KCNQ5: variants seen among roughly 807,000 people sequenced by gnomAD.
KCNQ5 encodes the protein potassium voltage-gated channel subfamily Q member 5.
In KCNQ5, 30 loss-of-function variants were observed where a neutral mutation model predicts 98.2. That is an observed-to-expected ratio of 0.31 (90% CI 0.23 to 0.41). KCNQ5 has a LOEUF of 0.41. Ranked by LOEUF, KCNQ5 falls within the 10% of genes least tolerant of loss-of-function variation. The pLI is 1.00. For synonymous variants in KCNQ5, 458 were observed against 449.4 expected (o/e 1.02, Z -0.24); for missense variants, 835 against 1,182.5 (o/e 0.71, Z 4.31).
At chr6:73,082,118 T>C (rs892772855) in intron 5 of KCNQ5, among the ~76,000 whole-genome samples, 5 of 152,222 alleles carry the variant, frequency 3.3e-5, no homozygotes, top group Admixed American at 1.3e-4. Context: ...GCTGAAGAGA[T>C]GGTACAAAAT....
At chr6:72,829,841 A>C (rs1310954684) in intron 1 of KCNQ5, among the ~76,000 whole-genome samples, 6 of 152,212 alleles carry the variant, frequency 3.9e-5, no homozygotes, top group African/African-American at 1.4e-4. Context: ...GGGAAAGTGG[A>C]ACTAAAGACT....
intron 1 of KCNQ5, among the ~76,000 whole-genome samples, chr6:72,629,965 ATG>A (rs143966842): frequency 0.018 from 2,808 of 152,244 alleles, 70 homozygotes; most frequent in African/African-American, 0.062. Context: ...AGCTTCCCAA[ATG>A]TTATTAAAGT....
chr6:73,143,418 G>C (rs868034688), intron 10 of KCNQ5: 2 of 152,166 alleles, frequency 1.3e-5, no homozygotes, highest in East Asian at 3.9e-4. Context: ...TGAGTTTTCT[G>C]TCCTTACCCT....
rs534161361 is a variant in KCNQ5 at position 72,987,529 on chromosome 6, C to T, written c.399-16379C>T. The T allele has an allele frequency of 7.0e-5, 46 of 656,926 alleles. No homozygotes were observed. In the African/African-American group the frequency reaches 7.2e-4, roughly 10 times the overall value. The allele number at this position is 656,926 out of a possible 1,614,324, so 40.7% of individuals were successfully genotyped here. On this transcript the variant is annotated intron_variant, in intron 1 of 13. Transcript: ENST00000370398. ...CTGTCCCCTTCGTTCAGCCGCCACC[C>T]CCTCCAAGCCCCGCAGCACGATTGC...
chr6:72,985,190 C>T (rs1768706481), intron 1 of KCNQ5, among the ~76,000 whole-genome samples: 2 of 151,996 alleles, frequency 1.3e-5, no homozygotes, highest in Non-Finnish European at 2.9e-5. Flanking sequence ...TGGGCGACAG[C>T]GCAATATGTT....
chr6:72,802,936 G>A (rs371048219), intron 1 of KCNQ5, among the ~76,000 whole-genome samples: 6 of 152,066 alleles, frequency 3.9e-5, no homozygotes, highest in African/African-American at 1.4e-4. Context: ...TTGTATTGCC[G>A]TGACTGCCCC....
chr6:72,907,316 A>C (rs1442575700), intron 1 of KCNQ5, among the ~76,000 whole-genome samples: 1 of 152,178 alleles, frequency 6.6e-6, no homozygotes, highest in Non-Finnish European at 1.5e-5. Flanking sequence ...CTAAGGTAAA[A>C]ATTCAAATAA....
intron 1 of KCNQ5, among the ~76,000 whole-genome samples, chr6:72,872,144 A>G (rs557705752): frequency 5.3e-5 from 8 of 152,318 alleles, no homozygotes; most frequent in African/African-American, 1.7e-4. Context: ...TTATCCAAAC[A>G]TGTTCACATG....
At chr6:73,092,676 T>C (rs552144721) in intron 5 of KCNQ5, among the ~76,000 whole-genome samples, 20 of 152,174 alleles carry the variant, frequency 1.3e-4, no homozygotes, top group Admixed American at 3.9e-4. Flanking sequence ...GATCATGTGA[T>C]TTTGGTTTTT....
At chr6:72,821,393 C>T (rs1775744928) in intron 1 of KCNQ5, among the ~76,000 whole-genome samples, 1 of 152,122 alleles carries the variant, frequency 6.6e-6, no homozygotes, top group Non-Finnish European at 1.5e-5. Context: ...TTACCTTTTT[C>T]CTTGAGCTCA....
intron 1 of KCNQ5, among the ~76,000 whole-genome samples, chr6:72,864,512 G>A (rs767260371): frequency 1.3e-5 from 2 of 152,010 alleles, no homozygotes; most frequent in Non-Finnish European, 2.9e-5. Context: ...CCCCCACTGT[G>A]GAATTAGCCT....
chr6:72,623,391 A>ACTGTGTGT (rs71540353), intron 1 of KCNQ5, among the ~76,000 whole-genome samples: 2 of 143,042 alleles, frequency 1.4e-5, no homozygotes, highest in Non-Finnish European at 3.0e-5. Context: ...GGAGTCAAAG[A>ACTGTGTGT]GTGTGTGTGT....
intron 2 of KCNQ5, among the ~76,000 whole-genome samples, chr6:73,033,431 A>G (rs1447467690): frequency 5.3e-5 from 8 of 152,326 alleles, no homozygotes; most frequent in Admixed American, 2.0e-4. Context: ...GCAGATTTAT[A>G]TATTAACAGG....
At chr6:72,780,650 G>T (rs966329008) in intron 1 of KCNQ5, among the ~76,000 whole-genome samples, 1 of 152,162 alleles carries the variant, frequency 6.6e-6, no homozygotes, top group African/African-American at 2.4e-5. Flanking sequence ...GACTTGGGGG[G>T]AGATATGAGA....
At chr6:73,178,860 G>A (rs1425279195) in intron 11 of KCNQ5, among the ~76,000 whole-genome samples, 3 of 152,172 alleles carry the variant, frequency 2.0e-5, no homozygotes, top group African/African-American at 7.2e-5. Flanking sequence ...TTATGTTTAT[G>A]TATTAACAAG....
At chr6:72,860,162 G>A (rs1053613565) in intron 1 of KCNQ5, among the ~76,000 whole-genome samples, 1 of 152,122 alleles carries the variant, frequency 6.6e-6, no homozygotes, top group Non-Finnish European at 1.5e-5. Context: ...CAAATGATGT[G>A]AGGCTCCTGA....
In KCNQ5 at chr6:73,077,032, T is replaced by C. The variant is rs79055341; in HGVS notation, c.617-290T>C. 5.9e-5 allele frequency among the ~76,000 whole-genome samples: 9 copies of C among 152,300 alleles called. No homozygotes were observed. In the East Asian group the frequency reaches 1.7e-3, roughly 29 times the overall value. ...GAAACCTTGGGTTTTTTGAACACCA[T>C]TGTCCAATCTGTTGAAGGTTAAATA... On this transcript the variant is annotated intron_variant, in intron 3 of 13. Transcript: ENST00000370398.
At chr6:72,799,234 C>T (rs1395620457) in intron 1 of KCNQ5, among the ~76,000 whole-genome samples, 3 of 152,074 alleles carry the variant, frequency 2.0e-5, no homozygotes, top group Admixed American at 6.6e-5. Flanking sequence ...GTCCTGCTGC[C>T]GAATTTCTAA....
chr6:72,758,997 C>T (rs926333097), intron 1 of KCNQ5, among the ~76,000 whole-genome samples: 2 of 152,080 alleles, frequency 1.3e-5, no homozygotes, highest in East Asian at 3.9e-4. Flanking sequence ...TCCACTGAAA[C>T]TACACATTTA....
Sources: allele counts gnomAD v4.1 joint callset (sites outside exome capture counted in the v4.1 genomes callset), GRCh38; gene constraint gnomAD v4.1.1; transcripts MANE v1.5; gene names NCBI Gene and HGNC (gene_info 2026-07-23, HGNC 2026-07-21).